Variants in RAB18 observed in about 807,000 individuals in gnomAD.
RAB18 encodes ras-related protein Rab-18.
RAB18 carries 10 observed loss-of-function variants against 28.5 expected under a neutral mutation model. That is an observed-to-expected ratio of 0.35 (90% CI 0.22 to 0.60). The LOEUF is 0.60. Among genes scored for constraint, RAB18 ranks in the 20% least tolerant of loss-of-function variants. The pLI, the probability that RAB18 is intolerant of heterozygous loss-of-function variation, is 0.78. For missense variants in RAB18, 188 were observed against 244.2 expected (o/e 0.77, Z 1.53); for synonymous variants, 93 against 86.9 (o/e 1.07, Z -0.39).
In RAB18 at chr10:27,538,069, C is replaced by T; in HGVS notation, c.*18C>T. 3 of 1,613,920 alleles carry T rather than the reference C, an allele frequency of 1.9e-6. No homozygotes were observed. Among genetic ancestry groups the T allele is most frequent in the Non-Finnish European group, 2.5e-6 (3 of 1,179,798 alleles). ...TGTTATAAACTCTGGGAAATTCCATCTCTTGCATATTTGATCAGATAGTGA... is the reference window on the plus strand; with the variant it reads ...TGTTATAAACTCTGGGAAATTCCATTTCTTGCATATTTGATCAGATAGTGA... On this transcript the variant is annotated 3_prime_UTR_variant, in exon 7 of 7. Coordinates refer to ENST00000356940, the MANE Select transcript of RAB18 (RefSeq NM_021252.5).
At position 27,534,477 on chromosome 10, in the gene RAB18, A is replaced by G. The variant is rs1327285485; in HGVS notation, c.445+483A>G. The stretch of plus-strand genomic sequence containing the variant: ...AGCCTGGTCCAAATCTGGCCCCACC[A>G]TTTGTATTGGTACACAGCCATGTCC... On this transcript the variant is annotated intron_variant, in intron 6 of 6. Coordinates refer to ENST00000356940, the MANE Select transcript of RAB18 (RefSeq NM_021252.5). Among the ~76,000 whole-genome samples, 3 of 152,206 alleles carry G rather than the reference A, an allele frequency of 2.0e-5. No homozygotes were observed. The East Asian group carries it at 5.8e-4, about 29-fold the overall frequency.
chr10:27,539,782 T>C lies in RAB18; in HGVS notation c.*1731T>C. On this transcript the variant is annotated 3_prime_UTR_variant, in exon 7 of 7. Coordinates refer to ENST00000356940, the MANE Select transcript of RAB18 (RefSeq NM_021252.5). ...ATGAATTTTGTTTGATAGATTTATA[T>C]TGTAACCTTTTTCTAGTTCTTGAAT... The C allele has an allele frequency of 2.2e-6, 1 of 452,500 alleles. No homozygotes were observed. Among genetic ancestry groups the C allele is most frequent in the Non-Finnish European group, 4.4e-6 (1 of 226,394 alleles). The allele number at this position is 452,500 out of a possible 1,614,324, so 28.0% of individuals were successfully genotyped here. A position where few individuals can be genotyped will look rare whatever the true frequency, so the allele number is the denominator to read the frequency against.
intron 2 of RAB18, among the ~76,000 whole-genome samples, chr10:27,514,515 G>A (rs1834391973): frequency 6.6e-6 from 1 of 152,050 alleles, no homozygotes; most frequent in African/African-American, 2.4e-5. Flanking sequence ...ATAGATAATA[G>A]AGAACTGTGG....
At chr10:27,515,273 A>C (rs1161849259) in intron 2 of RAB18, among the ~76,000 whole-genome samples, 1 of 152,060 alleles carries the variant, frequency 6.6e-6, no homozygotes, top group Non-Finnish European at 1.5e-5. Context: ...ATTTTATATA[A>C]TCTGATTAAA....
intron 2 of RAB18, among the ~76,000 whole-genome samples, chr10:27,518,445 A>T (rs1441297517): frequency 1.3e-5 from 2 of 152,250 alleles, no homozygotes; most frequent in East Asian, 3.9e-4. Context: ...ATATTTTCAA[A>T]TGAGTAAGTA....
chr10:27,531,018 T>C (rs1834776774), intron 3 of RAB18, among the ~76,000 whole-genome samples: 1 of 152,070 alleles, frequency 6.6e-6, no homozygotes, highest in Non-Finnish European at 1.5e-5. Context: ...TGAGTAAATA[T>C]GCAAATTGAA....
chr10:27,535,926 AC>A (rs892142112), intron 6 of RAB18, among the ~76,000 whole-genome samples: 62 of 152,014 alleles, frequency 4.1e-4, no homozygotes, highest in African/African-American at 1.5e-3. Context: ...TACTAAAAAT[AC>A]AAAAAATTCA....
intron 4 of RAB18, among the ~76,000 whole-genome samples, chr10:27,532,849 G>T (rs568727841): frequency 6.6e-6 from 1 of 152,160 alleles, no homozygotes; most frequent in East Asian, 1.9e-4. Context: ...GCATATGTTG[G>T]ACTGTCTTGG....
In RAB18 at chr10:27,533,865, G is replaced by A. The variant is rs1374901419; in HGVS notation, c.378+12G>A. 8 of 1,611,064 alleles carry A rather than the reference G, an allele frequency of 5.0e-6. No homozygotes were observed. Among genetic ancestry groups the A allele is most frequent in the Admixed American group, 3.3e-5 (2 of 60,020 alleles). On this transcript the variant is annotated intron_variant, in intron 5 of 6. Coordinates refer to ENST00000356940, the MANE Select transcript of RAB18 (RefSeq NM_021252.5). ...ATAAAATCGATAAGGTAAGAAGGCAGACACTTGGCATTTTGGTTCTATATT... is the reference window on the plus strand; with the variant it reads ...ATAAAATCGATAAGGTAAGAAGGCAAACACTTGGCATTTTGGTTCTATATT...
At chr10:27,523,283 T>TC (rs1834601854) in intron 2 of RAB18, among the ~76,000 whole-genome samples, 1 of 107,298 alleles carries the variant, frequency 9.3e-6, no homozygotes, top group African/African-American at 3.1e-5. Context: ...TTTTTTTTTT[T>TC]TTTTTGCTAG....
intron 2 of RAB18, among the ~76,000 whole-genome samples, chr10:27,522,104 A>G (rs939134340): frequency 2.0e-5 from 3 of 152,208 alleles, no homozygotes; most frequent in African/African-American, 7.2e-5. Context: ...CAGTCAGGCA[A>G]TAAAAATAAT....
At chr10:27,509,778 C>A in intron 1 of RAB18, 97 bp from the exon 2 acceptor site, 1 of 982,218 alleles carries the variant, frequency 1.0e-6, no homozygotes, top group Non-Finnish European at 1.6e-6. Context: ...TTATTTTTAT[C>A]TGCATCTAAT....
At chr10:27,513,018 A>G (rs1416357021) in intron 2 of RAB18, among the ~76,000 whole-genome samples, 1 of 138,668 alleles carries the variant, frequency 7.2e-6, no homozygotes, top group Non-Finnish European at 1.5e-5. Flanking sequence ...GTAATAACAT[A>G]TATATATATA....
At chr10:27,504,924 C>G in intron 1 of RAB18, 8 of 526,604 alleles carry the variant, frequency 1.5e-5, no homozygotes, top group South Asian at 1.1e-4. Flanking sequence ...CCTTAGGTCC[C>G]ATTCCTGGCC....
intron 6 of RAB18, among the ~76,000 whole-genome samples, chr10:27,535,840 A>C (rs1279887276): frequency 6.6e-6 from 1 of 152,182 alleles, no homozygotes; most frequent in Non-Finnish European, 1.5e-5. Context: ...TAATCTCAGC[A>C]CTTTGGGAGG....
chr10:27,510,804 CTTTA>C (rs1002377449), intron 2 of RAB18, among the ~76,000 whole-genome samples: 11 of 152,264 alleles, frequency 7.2e-5, no homozygotes, highest in Admixed American at 3.3e-4. Context: ...TGTTAACTGG[CTTTA>C]TTTGTTTTCA....
At position 27,539,214 on chromosome 10, in the gene RAB18, T is replaced by C; in HGVS notation, c.*1163T>C. On this transcript the variant is annotated 3_prime_UTR_variant, in exon 7 of 7. Coordinates refer to ENST00000356940, the MANE Select transcript of RAB18 (RefSeq NM_021252.5). ...ATATTGTAGATTTTTTTCATTCATG[T>C]GTTATTTAATTTACACTGATCTCTG... The C allele has an allele frequency of 3.0e-6, 1 of 333,690 alleles. No individual in the cohort carries two copies. Among genetic ancestry groups the C allele is most frequent in the Non-Finnish European group, 5.8e-6 (1 of 172,368 alleles). 20.7% of individuals were successfully genotyped at this position (333,690 alleles called of 1,614,324 possible). A position where few individuals can be genotyped will look rare whatever the true frequency, so the allele number is the denominator to read the frequency against.
intron 1 of RAB18, among the ~76,000 whole-genome samples, chr10:27,505,549 A>ATTAT (rs1454990271): frequency 1.3e-5 from 2 of 152,160 alleles, no homozygotes; most frequent in African/African-American, 4.8e-5. Flanking sequence ...ATATTCTGAT[A>ATTAT]TTATTTACTT....
chr10:27,527,448 A>G (rs891305878), intron 3 of RAB18, among the ~76,000 whole-genome samples: 1 of 152,028 alleles, frequency 6.6e-6, no homozygotes, highest in African/African-American at 2.4e-5. Context: ...CAAATAAGGT[A>G]GCATTAACTG....
Sources: allele counts gnomAD v4.1 joint callset (sites outside exome capture counted in the v4.1 genomes callset), GRCh38; gene constraint gnomAD v4.1.1; transcripts MANE v1.5; gene names NCBI Gene and HGNC (gene_info 2026-07-23, HGNC 2026-07-21).